The following USP22 variants were observed in gnomAD, a reference collection of about 807,000 sequenced individuals.
USP22 encodes ubiquitin specific peptidase 22.
In USP22, 22 loss-of-function variants were observed where a neutral mutation model predicts 68.1. That is an observed-to-expected ratio of 0.32 (90% confidence interval 0.23 to 0.46). The LOEUF is 0.46. Among genes scored for constraint, USP22 ranks in the 20% least tolerant of loss-of-function variants. The pLI, the probability that USP22 is intolerant of heterozygous loss-of-function variation, is 1.00. For synonymous variants in USP22, 279 were observed against 274.2 expected, an observed-to-expected ratio of 1.02 and a Z score of -0.17; for missense variants, 433 against 695.8, an observed-to-expected ratio of 0.62 and a Z score of 4.25.
chr17:21,009,368 G>A (rs1206077445), intron 8 of USP22, among the ~76,000 whole-genome samples: 2 of 152,122 alleles, frequency 1.3e-5, no homozygotes, highest in Non-Finnish European at 2.9e-5. Context: ...AAGACGAGGG[G>A]GCCTCTGGGC....
In USP22 at chr17:21,042,774, G is replaced by A. The variant is rs1176819375; in HGVS notation, c.62C>T (p.Pro21Leu). Reference sequence around the variant, plus strand: ...GAAGCTGCCCAGGTGCGAGCAGCCCGGCGGCGCTACCGCCAGCTCGGCGTC... The same window carrying A: ...GAAGCTGCCCAGGTGCGAGCAGCCCAGCGGCGCTACCGCCAGCTCGGCGTC... ...AMDAELAVAP[P>L]GCSHLGSFKV... Residue 21 changes from proline to leucine, a missense_variant, in exon 1 of 13, where the codon CCG (proline) becomes CTG (leucine). Transcript: ENST00000261497. 2.0e-6 allele frequency: 3 copies of A among 1,492,436 alleles called. No individual in the cohort carries two copies. The highest frequency in any genetic ancestry group is 1.7e-4 in the Middle Eastern group (1 of 5,752). 92.4% of individuals were successfully genotyped at this position (1,492,436 alleles called of 1,614,324 possible).
upstream of USP22, chr17:21,043,302 C>CCCCCCCCCCCCCCCCCCCCCCG (rs1567596616): frequency 2.1e-5 from 1 of 47,548 alleles, no homozygotes; most frequent in Non-Finnish European, 5.9e-5. Flanking sequence ...GTAGGCCACC[C>CCCCCCCCCCCCCCCCCCCCCCG]CCCCCCCCCC....
chr17:21,011,975 G>C (rs61739504), intron 7 of USP22, among the ~76,000 whole-genome samples: 2 of 152,136 alleles, frequency 1.3e-5, no homozygotes, highest in African/African-American at 4.8e-5. Context: ...GCCCCAAACG[G>C]TCTATGCTCC....
chr17:21,034,798 G>C (rs1345552575), intron 1 of USP22, among the ~76,000 whole-genome samples: 2 of 152,182 alleles, frequency 1.3e-5, no homozygotes, highest in Non-Finnish European at 2.9e-5. Context: ...GCCATAAAGG[G>C]CTTCTTTTAC....
intron 6 of USP22, among the ~76,000 whole-genome samples, chr17:21,013,802 C>T (rs1385627324): frequency 2.0e-5 from 3 of 152,192 alleles, no homozygotes; most frequent in Non-Finnish European, 2.9e-5. Context: ...TGGCCAGGCG[C>T]GGTGGCTCAC....
chr17:21,028,448 T>C, intron 2 of USP22, 94 bp downstream of exon 2: 1 of 1,551,162 alleles, frequency 6.4e-7, no homozygotes. Context: ...AACGACAAAG[T>C]GGACTTTTGG....
intron 1 of USP22, among the ~76,000 whole-genome samples, chr17:21,036,531 G>GT (rs1555530966): frequency 4.7e-4 from 61 of 131,036 alleles, no homozygotes; most frequent in Middle Eastern, 8.1e-3. Flanking sequence ...GGGGGGGGGG[G>GT]GTCAAGTCAT....
intron 2 of USP22, among the ~76,000 whole-genome samples, chr17:21,026,554 G>T (rs1332008011): frequency 3.3e-5 from 5 of 151,660 alleles, no homozygotes; most frequent in Non-Finnish European, 7.4e-5. Flanking sequence ...GAGCTCCTGC[G>T]CTCAGGTAAT....
At chr17:21,031,662 G>A (rs1312698757) in intron 1 of USP22, among the ~76,000 whole-genome samples, 3 of 139,306 alleles carry the variant, frequency 2.2e-5, no homozygotes, top group Admixed American at 7.1e-5. Context: ...ACCTAGGACT[G>A]TGCTACACAC....
intron 7 of USP22, chr17:21,011,684 C>A: frequency 4.2e-6 from 1 of 239,236 alleles, no homozygotes; most frequent in Non-Finnish European, 8.3e-6. Flanking sequence ...TGACCCTAGG[C>A]AACACTGGAG....
At chr17:21,013,029 C>G in intron 6 of USP22, 94 bp from the exon 7 acceptor site, 1 of 1,166,720 alleles carries the variant, frequency 8.6e-7, no homozygotes. Context: ...CCTGGGGGAG[C>G]CAGGGCCAAC....
At chr17:21,024,356 TAGATTTAGGCCTTCTTTA>T (rs1972194386) in intron 2 of USP22, among the ~76,000 whole-genome samples, 1 of 152,192 alleles carries the variant, frequency 6.6e-6, no homozygotes, top group African/African-American at 2.4e-5. Flanking sequence ...TAAATCCTTC[TAGATTTAGGCCTTCTTTA>T]AGACGCCTTC....
chr17:21,042,292 C>A lies in USP22; in HGVS notation c.171+373G>T, dbSNP rs193030803. On this transcript the variant is annotated intron_variant, in intron 1 of 12. Transcript: ENST00000261497. ...AGGCAGCAGGGCAGGAGAACACCAC[C>A]CCCGGCCCGGAAGCACTCGCCCCTC... 7.9e-3 allele frequency: 1,278 copies of A among 162,758 alleles called. 24 individuals carry two copies. Among genetic ancestry groups the A allele is most frequent in the African/African-American group, 0.029 (1,179 of 41,244 alleles). The allele number at this position is 162,758 out of a possible 1,614,324, so 10.1% of individuals were successfully genotyped here.
Position 21,000,493 on chromosome 17 carries a change from C to G in USP22, c.*2538G>C, listed in dbSNP as rs1360120298. Reference sequence around the variant, plus strand: ...TAATGCCCACCAAAAATCCATGTGACTCCATCTCTCTTCCCAGTTCTAATG... The same window carrying G: ...TAATGCCCACCAAAAATCCATGTGAGTCCATCTCTCTTCCCAGTTCTAATG... On this transcript the variant is annotated 3_prime_UTR_variant, in exon 13 of 13. Transcript: ENST00000261497. 1 of 152,252 alleles carries G rather than the reference C, an allele frequency of 6.6e-6. No homozygotes were observed. The highest frequency in any genetic ancestry group is 1.5e-5 in the Non-Finnish European group (1 of 68,080). The allele number at this position is 152,252 out of a possible 1,614,324, so 9.4% of individuals were successfully genotyped here.
chr17:21,042,795 G>T lies in USP22; in HGVS notation c.41C>A (p.Ala14Asp). 6.8e-7 allele frequency: 1 copy of T among 1,480,120 alleles called. No individual in the cohort carries two copies. Among genetic ancestry groups the T allele is most frequent in the Non-Finnish European group, 9.0e-7 (1 of 1,116,270 alleles). The allele number at this position is 1,480,120 out of a possible 1,614,324, so 91.7% of individuals were successfully genotyped here. ...RPEPEGEAMD[A>D]ELAVAPPGCS... is the part of the protein sequence containing the mutation. ...GCCCGGCGGCGCTACCGCCAGCTCG[G>T]CGTCCATGGCCTCGCCCTCGGGCTC... The change falls in exon 1 of 13, where the codon GCC (alanine) becomes GAC (aspartate). Residue 14 changes from alanine to aspartate, a missense_variant. Around this residue, in one of 4 missense-constraint regions of USP22, gnomAD observed 110 missense variants for 89.9 expected, o/e 1.22. Transcript: ENST00000261497.
intron 2 of USP22, among the ~76,000 whole-genome samples, chr17:21,028,054 G>T (rs1164857143): frequency 6.6e-6 from 1 of 152,172 alleles, no homozygotes; most frequent in African/African-American, 2.4e-5. Context: ...GCTGTGAAAG[G>T]TAAATTAATC....
intron 1 of USP22, 111 bp downstream of exon 1, chr17:21,042,554 G>T: frequency 9.0e-7 from 1 of 1,107,184 alleles, no homozygotes; most frequent in Non-Finnish European, 1.2e-6. Flanking sequence ...AGGAAGGACA[G>T]GGAAAGGCAA....
intron 7 of USP22, among the ~76,000 whole-genome samples, chr17:21,011,838 A>C (rs1913979559): frequency 6.6e-6 from 1 of 152,164 alleles, no homozygotes; most frequent in African/African-American, 2.4e-5. Context: ...TGGGAAATTT[A>C]CTCTCGATAT....
chr17:21,020,928 C>T (rs1378377713), intron 3 of USP22, among the ~76,000 whole-genome samples, 185 bp downstream of exon 3: 2 of 152,194 alleles, frequency 1.3e-5, no homozygotes, highest in Non-Finnish European at 2.9e-5. Flanking sequence ...TCGACACTAG[C>T]CACCTCCCCT....
Sources: gnomAD v4.1 joint callset for allele counts (sites outside exome capture counted in the v4.1 genomes callset) on GRCh38, gnomAD v4.1.1 for gene constraint, gnomAD v4.1.1 regional missense constraint, MANE v1.5 for transcripts, NCBI Gene and HGNC (gene_info 2026-07-23, HGNC 2026-07-21) for gene names.